Variants in TTBK2 observed in about 807,000 individuals in gnomAD.
TTBK2 encodes the protein tau tubulin kinase 2.
Under a neutral mutation model 110.8 loss-of-function variants are expected in TTBK2, and 28 were observed. That is an observed-to-expected ratio of 0.25 (90% confidence interval 0.19 to 0.35). TTBK2 has a LOEUF of 0.35. Among genes scored for constraint, TTBK2 ranks in the 10% least tolerant of loss-of-function variants. The pLI, the probability that TTBK2 is intolerant of heterozygous loss-of-function variation, is 1.00. For missense variants in TTBK2, 1,369 were observed against 1,500.3 expected (o/e 0.91, Z 1.45); for synonymous variants, 532 against 527.3 (o/e 1.01, Z -0.12).
chr15:42,797,741 G>A (rs969864180), intron 9 of TTBK2, among the ~76,000 whole-genome samples: 4 of 151,940 alleles, frequency 2.6e-5, no homozygotes, highest in African/African-American at 9.7e-5. Flanking sequence ...ATAGATTTGA[G>A]AATAAAAATT....
chr15:42,807,495 C>T (rs923447982), intron 9 of TTBK2, among the ~76,000 whole-genome samples: 5 of 152,034 alleles, frequency 3.3e-5, no homozygotes, highest in Non-Finnish European at 5.9e-5. Flanking sequence ...CTCACTGCAG[C>T]CTTGATTCAC....
At chr15:42,875,656 C>T (rs1338430309) in intron 2 of TTBK2, among the ~76,000 whole-genome samples, 1 of 151,952 alleles carries the variant, frequency 6.6e-6, no homozygotes, top group Non-Finnish European at 1.5e-5. Context: ...TCTGTAATCC[C>T]AGCACTTTGG....
intron 14 of TTBK2, among the ~76,000 whole-genome samples, chr15:42,748,254 C>T (rs756777131): frequency 1.4e-4 from 22 of 151,972 alleles, no homozygotes; most frequent in Admixed American, 6.6e-5. Flanking sequence ...GTCAGGAGTT[C>T]GAGATCAGCC....
At chr15:42,820,816 C>T (rs1248963764) in intron 6 of TTBK2, among the ~76,000 whole-genome samples, 6 of 151,744 alleles carry the variant, frequency 4.0e-5, no homozygotes, top group African/African-American at 2.4e-5. Flanking sequence ...ACCTGGGCAA[C>T]ATCATAGTGA....
rs376416333 is a variant in TTBK2, at chr15:42,801,686, G to T, written c.823-6885C>A. The T allele has an allele frequency of 7.9e-6, 7 of 890,944 alleles. No individual in the cohort carries two copies. The African/African-American group carries it at 9.8e-5, about 12-fold the overall frequency. The allele number at this position is 890,944 out of a possible 1,614,324, so 55.2% of individuals were successfully genotyped here. Reference sequence around the variant, plus strand: ...GCTGTTGTCCATGAACAGCACCACAGATGTATCCGAGATCTGGGACTGCAG... The same window carrying T: ...GCTGTTGTCCATGAACAGCACCACATATGTATCCGAGATCTGGGACTGCAG... On this transcript the variant is annotated intron_variant, in intron 9 of 14. Transcript: ENST00000267890.
intron 1 of TTBK2, among the ~76,000 whole-genome samples, chr15:42,907,869 G>A (rs2030501736): frequency 6.7e-6 from 1 of 149,406 alleles, no homozygotes; most frequent in Admixed American, 6.7e-5. Flanking sequence ...CCAGGAGTAT[G>A]AGACCATCCT....
intron 14 of TTBK2, among the ~76,000 whole-genome samples, chr15:42,747,191 C>G (rs2061804693): frequency 6.6e-6 from 1 of 152,006 alleles, no homozygotes; most frequent in Non-Finnish European, 1.5e-5. Context: ...TGGTGTCAAA[C>G]TCCTGAGCTC....
chr15:42,782,244 G>A (rs1284554355), intron 11 of TTBK2, among the ~76,000 whole-genome samples: 15 of 152,058 alleles, frequency 9.9e-5, no homozygotes, highest in Admixed American at 9.8e-4. Context: ...GCTAATTTTT[G>A]TATTTTTAGT....
intron 6 of TTBK2, among the ~76,000 whole-genome samples, chr15:42,823,456 C>T (rs1021982179): frequency 2.4e-4 from 36 of 152,304 alleles, no homozygotes; most frequent in African/African-American, 8.4e-4. Flanking sequence ...AAACCAACTT[C>T]GTAAACACCA....
intron 3 of TTBK2, among the ~76,000 whole-genome samples, chr15:42,849,567 T>C (rs2141042433): frequency 6.6e-6 from 1 of 152,354 alleles, no homozygotes; most frequent in Admixed American, 6.5e-5. Context: ...CTCTAGGTCT[T>C]ATTCAAGTTC....
chr15:42,766,446 C>CAAAAAAA lies in TTBK2; in HGVS notation c.1998+8682_1998+8688dup, dbSNP rs567972612. 7.0e-3 allele frequency among the ~76,000 whole-genome samples: 217 copies of CAAAAAAA among 30,846 alleles called. 37 individuals are homozygous for CAAAAAAA. Among genetic ancestry groups the CAAAAAAA allele is most frequent in the African/African-American group, 0.05 (155 of 3,080 alleles). 20.2% of individuals were successfully genotyped at this position (30,846 alleles called of 152,430 possible). A position where few individuals can be genotyped will look rare whatever the true frequency, so the allele number is the denominator to read the frequency against. Reference sequence around the variant, plus strand: ...GAAGATCTACCAAGCGAATGGAAAGCAAAAAAAAAAAAAAAAAAAAAGCAA... The same window carrying CAAAAAAA: ...GAAGATCTACCAAGCGAATGGAAAGCAAAAAAAAAAAAAAAAAAAAAAAAAAAAGCAA... On this transcript the variant is annotated intron_variant, in intron 13 of 14. Transcript: ENST00000267890.
chr15:42,779,223 G>A (rs1468766646), intron 11 of TTBK2, among the ~76,000 whole-genome samples: 1 of 152,104 alleles, frequency 6.6e-6, no homozygotes, highest in Non-Finnish European at 1.5e-5. Context: ...AGCCAACACG[G>A]TAAAACCCTG....
intron 1 of TTBK2, among the ~76,000 whole-genome samples, chr15:42,891,702 T>C (rs1283402461): frequency 6.6e-6 from 1 of 152,124 alleles, no homozygotes; most frequent in Non-Finnish European, 1.5e-5. Context: ...ATTTGTATCC[T>C]TTATAATAAA....
chr15:42,784,365 C>T (rs1890315649), intron 10 of TTBK2, among the ~76,000 whole-genome samples: 1 of 152,086 alleles, frequency 6.6e-6, no homozygotes, highest in Non-Finnish European at 1.5e-5. Flanking sequence ...GAAACCTCCA[C>T]CTCTCGGATT....
intron 9 of TTBK2, among the ~76,000 whole-genome samples, chr15:42,806,022 G>A (rs1285265701): frequency 4.6e-5 from 7 of 152,304 alleles, no homozygotes; most frequent in African/African-American, 1.7e-4. Context: ...CCAGCACTTT[G>A]GGAGGCCAAG....
At chr15:42,861,559 C>G (rs767186610) in intron 3 of TTBK2, among the ~76,000 whole-genome samples, 5 of 151,996 alleles carry the variant, frequency 3.3e-5, no homozygotes, top group African/African-American at 4.8e-5. Flanking sequence ...AATAGAGACA[C>G]AACTTACCAA....
intron 6 of TTBK2, among the ~76,000 whole-genome samples, chr15:42,824,112 C>T (rs374582386): frequency 9.2e-5 from 14 of 152,084 alleles, no homozygotes; most frequent in East Asian, 3.9e-4. Context: ...TGAGAACTCA[C>T]GACCCCTCCG....
Position 42,745,571 on chromosome 15 carries a change from C to G in TTBK2, c.*224G>C. 1.7e-6 allele frequency: 1 copy of G among 595,334 alleles called. No homozygotes were observed. 36.9% of individuals were successfully genotyped at this position (595,334 alleles called of 1,614,324 possible). On this transcript the variant is annotated 3_prime_UTR_variant, in exon 15 of 15. Transcript: ENST00000267890. Reference sequence around the variant, plus strand: ...AGTTTCTCCCCCTTGGATTTTTGCTCTATTTTTCCTTCTTGTACAAAGACA... The same window carrying G: ...AGTTTCTCCCCCTTGGATTTTTGCTGTATTTTTCCTTCTTGTACAAAGACA...
chr15:42,905,111 C>T (rs146057551), intron 1 of TTBK2, among the ~76,000 whole-genome samples: 6 of 152,020 alleles, frequency 3.9e-5, no homozygotes, highest in African/African-American at 1.4e-4. Flanking sequence ...GACTCAAGTG[C>T]TATCCGCCCA....
Sources: allele counts gnomAD v4.1 joint callset (sites outside exome capture counted in the v4.1 genomes callset), GRCh38; gene constraint gnomAD v4.1.1; transcripts MANE v1.5; gene names NCBI Gene and HGNC (gene_info 2026-07-23, HGNC 2026-07-21).